ANO3: variants seen among roughly 807,000 people sequenced by gnomAD.
ANO3 encodes the protein anoctamin 3, also known as anoctamin-3.
ANO3 carries 99 observed loss-of-function variants against 144.8 expected under a neutral mutation model. That is an observed-to-expected ratio of 0.68 (90% confidence interval 0.58 to 0.81). The LOEUF is 0.81. Ranked by LOEUF, ANO3 falls within the 30% of genes least tolerant of loss-of-function variation. ANO3 has a pLI of 0.00. For synonymous variants in ANO3, 414 were observed against 392.6 expected, an observed-to-expected ratio of 1.05 and a Z score of -0.64; for missense variants, 905 against 1,202.2, an observed-to-expected ratio of 0.75 and a Z score of 3.66.
intron 4 of ANO3, among the ~76,000 whole-genome samples, chr11:26,479,502 T>C (rs1338569697): frequency 1.3e-5 from 2 of 152,090 alleles, no homozygotes; most frequent in African/African-American, 4.8e-5. Flanking sequence ...AGTCACATCT[T>C]GCGTGGGGGC....
At chr11:26,624,109 A>G (rs1164655360) in intron 17 of ANO3, among the ~76,000 whole-genome samples, 2 of 152,194 alleles carry the variant, frequency 1.3e-5, no homozygotes, top group African/African-American at 4.8e-5. Context: ...TTTGAGCTCA[A>G]ATCTCAGCTC....
chr11:26,340,573 C>T (rs965247517), intron 1 of ANO3, among the ~76,000 whole-genome samples: 2 of 152,086 alleles, frequency 1.3e-5, no homozygotes, highest in African/African-American at 4.8e-5. Flanking sequence ...CAAAGATGCA[C>T]CCTAGGAGAG....
intron 1 of ANO3, among the ~76,000 whole-genome samples, chr11:26,249,461 A>G (rs533976379): frequency 7.2e-5 from 11 of 152,330 alleles, no homozygotes; most frequent in African/African-American, 2.6e-4. Flanking sequence ...AGCTTTGGCT[A>G]AAGGAATGAA....
rs1853865533 is a variant in ANO3, at chr11:26,661,155, A to T, written c.*711A>T. The T allele has an allele frequency of 6.6e-6, 1 of 152,592 alleles. No homozygotes were observed. Among genetic ancestry groups the T allele is most frequent in the Non-Finnish European group, 1.5e-5 (1 of 68,026 alleles). The allele number at this position is 152,592 out of a possible 1,614,324, so 9.5% of individuals were successfully genotyped here. The stretch of plus-strand genomic sequence containing the variant: ...ACTTCAAGTCTCTTTTACCCCTGGC[A>T]GAGCCAGTTGCAGTGCAATTTTTTG... On this transcript the variant is annotated 3_prime_UTR_variant, in exon 27 of 27. Transcript: ENST00000256737.
chr11:26,224,269 G>A (rs765323947), intron 1 of ANO3, among the ~76,000 whole-genome samples: 8 of 152,188 alleles, frequency 5.3e-5, no homozygotes, highest in East Asian at 1.9e-4. Context: ...AACAGGCCCC[G>A]TACAATAGGT....
chr11:26,206,653 C>G (rs902420302), intron 1 of ANO3, among the ~76,000 whole-genome samples: 2 of 152,118 alleles, frequency 1.3e-5, no homozygotes, highest in African/African-American at 4.8e-5. Flanking sequence ...TCAGAGTATT[C>G]TCAATCAAAA....
At chr11:26,459,220 G>A (rs764705070) in intron 3 of ANO3, among the ~76,000 whole-genome samples, 5 of 152,164 alleles carry the variant, frequency 3.3e-5, no homozygotes, top group Non-Finnish European at 7.4e-5. Flanking sequence ...TGCCCAGTGG[G>A]CTGTTGTATG....
At chr11:26,343,187 C>A (rs1011669492) in intron 1 of ANO3, among the ~76,000 whole-genome samples, 2 of 152,268 alleles carry the variant, frequency 1.3e-5, no homozygotes, top group Admixed American at 6.5e-5. Flanking sequence ...TCTATAAGTT[C>A]AACTTTCTTA....
intron 1 of ANO3, among the ~76,000 whole-genome samples, chr11:26,229,907 C>G (rs755114675): frequency 6.6e-6 from 1 of 152,150 alleles, no homozygotes; most frequent in Non-Finnish European, 1.5e-5. Context: ...ATTCCCTGTT[C>G]TTTTTCACCC....
At chr11:26,659,320 A>G (rs1157855303) in intron 26 of ANO3, among the ~76,000 whole-genome samples, 2 of 151,858 alleles carry the variant, frequency 1.3e-5, no homozygotes, top group African/African-American at 4.8e-5. Flanking sequence ...TTCAACATGT[A>G]TACTTCCTAC....
chr11:26,189,162 T>C (rs1318881522), exon 1 of ANO3: 7 of 980,454 alleles, frequency 7.1e-6, no homozygotes, highest in Non-Finnish European at 8.5e-6. Context: ...TACATAGTTA[T>C]ATGGGAATTT....
chr11:26,650,716 C>T (rs915056273), intron 24 of ANO3, among the ~76,000 whole-genome samples: 1 of 152,120 alleles, frequency 6.6e-6, no homozygotes, highest in African/African-American at 2.4e-5. Flanking sequence ...GAATAGATGC[C>T]TTTTAAATAT....
At position 26,309,609 on chromosome 11, in the gene ANO3, G is replaced by C. The variant is rs181275889; in HGVS notation, c.-113G>C. ...TCTTTCTGGTCTACTGAGTTTCTGA[G>C]CAATTTTTATTTTTCTCTTTTGTTC... On this transcript the variant is annotated 5_prime_UTR_variant, in exon 1 of 27. Transcript: ENST00000525139. The C allele has an allele frequency of 2.8e-4, 273 of 963,664 alleles. 3 individuals are homozygous for C. The African/African-American group carries it at 4.5e-3, about 16-fold the overall frequency. 59.7% of individuals were successfully genotyped at this position (963,664 alleles called of 1,614,324 possible). A position where few individuals can be genotyped will look rare whatever the true frequency, so the allele number is the denominator to read the frequency against.
chr11:26,250,790 A>G (rs1349362085), intron 1 of ANO3, among the ~76,000 whole-genome samples: 1 of 152,220 alleles, frequency 6.6e-6, no homozygotes, highest in Admixed American at 6.5e-5. Flanking sequence ...GTATACATCA[A>G]CTTAAGGTCG....
At chr11:26,477,920 C>A (rs1218656148) in intron 4 of ANO3, among the ~76,000 whole-genome samples, 1 of 152,066 alleles carries the variant, frequency 6.6e-6, no homozygotes, top group African/African-American at 2.4e-5. Flanking sequence ...ATACTCATTG[C>A]ATCGTTATGA....
intron 1 of ANO3, among the ~76,000 whole-genome samples, chr11:26,282,290 A>G (rs572547513): frequency 6.6e-6 from 1 of 150,734 alleles, no homozygotes; most frequent in South Asian, 2.1e-4. Context: ...TGCATAAACA[A>G]ACAGGTTTTC....
chr11:26,329,585 G>A (rs981792824), upstream of ANO3, among the ~76,000 whole-genome samples: 10 of 152,172 alleles, frequency 6.6e-5, no homozygotes, highest in Admixed American at 2.0e-4. Flanking sequence ...CACCAAGGAG[G>A]TTAGGGTGCA....
At chr11:26,657,678 CA>C (rs11428583) in intron 26 of ANO3, among the ~76,000 whole-genome samples, 3,676 of 151,572 alleles carry the variant, frequency 0.024, 55 homozygotes, top group South Asian at 0.04. Context: ...TGTTTGTTTA[CA>C]AAAAAAATAC....
chr11:26,209,043 T>G (rs917000685), intron 1 of ANO3, among the ~76,000 whole-genome samples: 1 of 152,204 alleles, frequency 6.6e-6, no homozygotes, highest in Admixed American at 6.5e-5. Flanking sequence ...ATGTGCAGAA[T>G]GTGTAGGTTT....
Sources: allele counts gnomAD v4.1 joint callset (sites outside exome capture counted in the v4.1 genomes callset), GRCh38; gene constraint gnomAD v4.1.1; transcripts MANE v1.5; gene names NCBI Gene and HGNC (gene_info 2026-07-23, HGNC 2026-07-21).